Variants in GALNT5 observed in about 807,000 individuals in gnomAD.
GALNT5 encodes UDP-GalNAc:polypeptide N-acetylgalactosaminyltransferase 5.
A neutral mutation model predicts 85.4 loss-of-function variants in GALNT5; 72 were observed. The ratio of observed to expected loss-of-function variants is 0.84; its 90% CI spans 0.70 to 1.03. The LOEUF (loss-of-function observed/expected upper bound fraction) is 1.03, where lower values mean the gene tolerates loss of function less well. Ranked by LOEUF, GALNT5 falls within the 50% of genes least tolerant of loss-of-function variation. The pLI is 0.00. For missense variants in GALNT5, 1,137 were observed against 1,135.5 expected (o/e 1.00, Z -0.02); for synonymous variants, 404 against 397.0 (o/e 1.02, Z -0.21).
At chr2:157,279,490 G>C (rs1346785168) in intron 1 of GALNT5, among the ~76,000 whole-genome samples, 1 of 152,210 alleles carries the variant, frequency 6.6e-6, no homozygotes, top group East Asian at 1.9e-4. Flanking sequence ...CCCAGTTTGA[G>C]CTGCTTTGTT....
At chr2:157,308,466 C>A in intron 8 of GALNT5, 101 bp from the exon 9 acceptor site, 1 of 783,132 alleles carries the variant, frequency 1.3e-6, no homozygotes, top group Non-Finnish European at 2.1e-6. Flanking sequence ...AATGTCAGAT[C>A]ATAGTTCCTA....
intron 1 of GALNT5, among the ~76,000 whole-genome samples, chr2:157,275,312 G>C (rs927270733): frequency 4.6e-5 from 7 of 152,148 alleles, no homozygotes; most frequent in Admixed American, 2.6e-4. Flanking sequence ...GGCAATGCAG[G>C]CTCTTTTTTT....
chr2:157,283,178 G>T (rs186861158), intron 1 of GALNT5, among the ~76,000 whole-genome samples: 4 of 152,272 alleles, frequency 2.6e-5, no homozygotes, highest in African/African-American at 7.2e-5. Flanking sequence ...GTCTTTCCAT[G>T]ATTTTGATTA....
In GALNT5 at chr2:157,286,893, AGTGTGTGTGTGT is replaced by A. The variant is rs3072178; in HGVS notation, c.1741+792_1741+803del. Among the ~76,000 whole-genome samples, 126 of 135,892 alleles carry A rather than the reference AGTGTGTGTGTGT, an allele frequency of 9.3e-4. 1 individual carries two copies. Among genetic ancestry groups the A allele is most frequent in the Middle Eastern group, 3.8e-3 (1 of 260 alleles). 89.2% of individuals were successfully genotyped at this position (135,892 alleles called of 152,430 possible). A position where few individuals can be genotyped will look rare whatever the true frequency, so the allele number is the denominator to read the frequency against. Reference sequence around the variant, plus strand: ...TCCTCACACACTTTGTTTAAATACCAGTGTGTGTGTGTGTGTGTGTGTGTGTGTGTGTGTGTG... The same window carrying A: ...TCCTCACACACTTTGTTTAAATACCAGTGTGTGTGTGTGTGTGTGTGTGTG... On this transcript the variant is annotated intron_variant, in intron 3 of 9. Coordinates refer to ENST00000259056, the MANE Select transcript of GALNT5 (RefSeq NM_014568.3).
intron 1 of GALNT5, among the ~76,000 whole-genome samples, chr2:157,271,435 C>T (rs960586176): frequency 2.6e-5 from 4 of 151,860 alleles, no homozygotes; most frequent in Non-Finnish European, 1.5e-5. Flanking sequence ...GTTGATCTGA[C>T]AAACTGTGGA....
intron 1 of GALNT5, among the ~76,000 whole-genome samples, chr2:157,265,321 C>G (rs1181597564): frequency 6.6e-6 from 1 of 152,182 alleles, no homozygotes; most frequent in African/African-American, 2.4e-5. Context: ...TTATTTATCC[C>G]ACTCTCCTTA....
At chr2:157,281,684 G>T (rs549956910) in intron 1 of GALNT5, among the ~76,000 whole-genome samples, 2 of 152,270 alleles carry the variant, frequency 1.3e-5, no homozygotes, top group South Asian at 4.1e-4. Context: ...CAGAATGTTG[G>T]CAAAAATATG....
At chr2:157,291,633 A>ACCCCCCCCCCCCCCCC (rs10650005) in intron 3 of GALNT5, among the ~76,000 whole-genome samples, 1 of 117,034 alleles carries the variant, frequency 8.5e-6, no homozygotes, top group Non-Finnish European at 1.7e-5. Flanking sequence ...GTTACCACCC[A>ACCCCCCCCCCCCCCCC]CCCCCCCCCA....
chr2:157,298,084 T>C (rs1486043588), intron 5 of GALNT5, among the ~76,000 whole-genome samples: 6 of 152,104 alleles, frequency 3.9e-5, no homozygotes, highest in African/African-American at 1.4e-4. Context: ...TAACACGCTG[T>C]CAGTAAAGTT....
rs1428278232 is a variant in GALNT5, at chr2:157,284,392, G to T, written c.1565G>T (p.Arg522Leu). Residue 522 changes from arginine to leucine, a missense_variant, in exon 2 of 10, where the codon CGC (arginine) becomes CTC (leucine). By Grantham distance (102) the Arg-to-Leu change is moderately radical (BLOSUM62 -2). Coordinates refer to ENST00000259056, the MANE Select transcript of GALNT5 (RefSeq NM_014568.3). ...AGATCTGTTCACAGTGTCATCAATC[G>T]CTCTCCTCCACACCTCATCAAGGAG... ...LLRSVHSVIN[R>L]SPPHLIKEIL... is the part of the protein sequence containing the mutation. 1 of 1,613,788 alleles carries T rather than the reference G, an allele frequency of 6.2e-7. No homozygotes were observed. The highest frequency in any genetic ancestry group is 1.3e-5 in the African/African-American group (1 of 75,004).
At position 157,299,615 on chromosome 2, in the gene GALNT5, G is replaced by A. The variant is rs1683297467; in HGVS notation, c.2065G>A (p.Asp689Asn). The A allele has an allele frequency of 6.2e-7, 1 of 1,613,038 alleles. No homozygotes were observed. Among genetic ancestry groups the A allele is most frequent in the Non-Finnish European group, 8.5e-7 (1 of 1,179,116 alleles). Reference protein sequence around the residue: ...KSYFFELGTYDPGLDVWGGEN... With the variant: ...KSYFFELGTYNPGLDVWGGEN... ...TTACTTTTTTGAACTTGGAACATACGACCCTGGCCTTGATGTTTGGGGTGG... is the reference window on the plus strand; with the variant it reads ...TTACTTTTTTGAACTTGGAACATACAACCCTGGCCTTGATGTTTGGGGTGG... The change falls in exon 6 of 10, where the codon GAC becomes AAC. Residue 689 changes from aspartate to asparagine, a missense_variant. Coordinates refer to ENST00000259056, the MANE Select transcript of GALNT5 (RefSeq NM_014568.3).
At chr2:157,291,390 C>T (rs1341655795) in intron 3 of GALNT5, among the ~76,000 whole-genome samples, 1 of 152,154 alleles carries the variant, frequency 6.6e-6, no homozygotes, top group Non-Finnish European at 1.5e-5. Context: ...CATCTGTCTG[C>T]AAACTTTTAT....
intron 6 of GALNT5, 33 bp downstream of exon 6, chr2:157,299,698 G>T (rs1181566542): frequency 9.0e-7 from 1 of 1,116,362 alleles, no homozygotes; most frequent in South Asian, 1.3e-5. Flanking sequence ...TTTTCTTTAC[G>T]ATAATGAGTT....
In GALNT5 at chr2:157,284,207, C is replaced by T. The variant is rs1682918741; in HGVS notation, c.1455-75C>T. ...GTGTGTGTGTATATGCACACCATCG[C>T]ACTCTGTGACTTTTAAAACTATCTT... is the stretch of plus-strand genomic sequence containing the variant. On this transcript the variant is annotated intron_variant, in intron 1 of 9. Transcript: ENST00000259056. 9 of 1,202,198 alleles carry T rather than the reference C, an allele frequency of 7.5e-6. No homozygotes were observed. The South Asian group carries it at 1.1e-4, about 15-fold the overall frequency. 74.5% of individuals were successfully genotyped at this position (1,202,198 alleles called of 1,614,324 possible).
chr2:157,283,745 T>G (rs962494062), intron 1 of GALNT5, among the ~76,000 whole-genome samples: 1 of 152,146 alleles, frequency 6.6e-6, no homozygotes, highest in Non-Finnish European at 1.5e-5. Flanking sequence ...CTAGTAATGA[T>G]AGCAATAACT....
At chr2:157,302,707 G>T (rs1683368251) in intron 7 of GALNT5, 1 of 152,150 alleles carries the variant, frequency 6.6e-6, no homozygotes, top group South Asian at 2.1e-4. Flanking sequence ...TTTGGGCTCC[G>T]CTGTTGCGCT....
rs541121658 is a variant in GALNT5, at chr2:157,276,823, A to C, written c.1455-7459A>C. ...GGTTTTTTGTGTCTCTATCTCCTTC[A>C]GTTCTGCTCTGATCTTAGTTATTTC... is the stretch of plus-strand genomic sequence containing the variant. On this transcript the variant is annotated intron_variant, in intron 1 of 9. Transcript: ENST00000259056. 5.3e-5 allele frequency among the ~76,000 whole-genome samples: 8 copies of C among 151,878 alleles called. No individual in the cohort carries two copies. In the South Asian group the frequency reaches 1.2e-3, roughly 24 times the overall value.
In GALNT5 at chr2:157,282,955, G is replaced by A. The variant is rs372370757; in HGVS notation, c.1455-1327G>A. Among the ~76,000 whole-genome samples the A allele has an allele frequency of 4.5e-4, 68 of 152,262 alleles. 1 individual carries two copies. Among genetic ancestry groups the A allele is most frequent in the East Asian group, 3.1e-3 (16 of 5,182 alleles). ...TGCAAATGTGATTTGCTTTACTATC[G>A]TTTTTGCTCTTACCTATTTCTTATT... On this transcript the variant is annotated intron_variant, in intron 1 of 9. Transcript: ENST00000259056.
rs1466627257 is a variant in GALNT5, at chr2:157,305,768, G to A, written c.2459G>A (p.Gly820Asp). ...TTTTAGCTTATTAATGTGGCTTTGG[G>A]TAAATGCATTTCCATTGAAAACACT... ...ASGVLINVAL[G>D]KCISIENTTV... Residue 820 changes from glycine to aspartate, a missense_variant, in exon 8 of 10, where the codon GGT becomes GAT. Transcript: ENST00000259056. 2 of 1,604,526 alleles carry A rather than the reference G, an allele frequency of 1.2e-6. No homozygotes were observed. Among genetic ancestry groups the A allele is most frequent in the Admixed American group, 1.7e-5 (1 of 59,956 alleles).
Sources: allele counts gnomAD v4.1 joint callset (sites outside exome capture counted in the v4.1 genomes callset), GRCh38; gene constraint gnomAD v4.1.1; transcripts MANE v1.5; gene names NCBI Gene and HGNC (gene_info 2026-07-23, HGNC 2026-07-21).